CDH26: variants seen among roughly 807,000 people sequenced by gnomAD.
CDH26 encodes cadherin 26.
A neutral mutation model predicts 90.3 loss-of-function variants in CDH26; 83 were observed. The observed-to-expected ratio is 0.92, with a 90% CI of 0.77 to 1.10. The LOEUF (loss-of-function observed/expected upper bound fraction) is 1.10. CDH26 is among the 50% of genes least tolerant of loss of function. The pLI is 0.00. For synonymous variants in CDH26, 397 were observed against 396.3 expected, an observed-to-expected ratio of 1.00 and a Z score of -0.02; for missense variants, 1,013 against 1,037.6, an observed-to-expected ratio of 0.98 and a Z score of 0.33.
chr20:60,026,116 A>G (rs1476013995), intron 7 of CDH26, among the ~76,000 whole-genome samples: 1 of 152,108 alleles, frequency 6.6e-6, no homozygotes, highest in East Asian at 1.9e-4. Context: ...CCACAAAGTG[A>G]CTGTTGCCTT....
chr20:59,984,949 A>T, intron 6 of CDH26, 52 bp from the exon 7 acceptor site: 1 of 1,593,576 alleles, frequency 6.3e-7, no homozygotes, highest in South Asian at 1.1e-5. Context: ...CTTTATTAAT[A>T]TTTTCCTTTC....
At chr20:59,970,628 G>A (rs1370562417) in intron 3 of CDH26, among the ~76,000 whole-genome samples, 3 of 151,676 alleles carry the variant, frequency 2.0e-5, no homozygotes, top group East Asian at 1.9e-4. Context: ...GGCCAACATG[G>A]TGAAATCTTG....
intron 17 of CDH26, among the ~76,000 whole-genome samples, chr20:60,011,956 C>T (rs534573479): frequency 3.9e-4 from 60 of 152,130 alleles, no homozygotes; most frequent in South Asian, 1.7e-3. Flanking sequence ...AAGCCATGGC[C>T]TGAGCATGAA....
chr20:59,974,597 G>A (rs1251031205), intron 4 of CDH26, among the ~76,000 whole-genome samples: 2 of 152,166 alleles, frequency 1.3e-5, no homozygotes, highest in Admixed American at 1.3e-4. Flanking sequence ...ATTCTGTTAT[G>A]TCAGGTTTTC....
At chr20:60,024,737 A>G (rs1185381504) in intron 7 of CDH26, among the ~76,000 whole-genome samples, 1 of 152,186 alleles carries the variant, frequency 6.6e-6, no homozygotes, top group African/African-American at 2.4e-5. Context: ...AGAAACTACT[A>G]TCTCCCCACC....
At position 60,026,940 on chromosome 20, in the gene CDH26, T is replaced by C. The variant is rs528593401; in HGVS notation, c.948-4291T>C. 7.9e-5 allele frequency among the ~76,000 whole-genome samples: 12 copies of C among 152,326 alleles called. No individual in the cohort carries two copies. The South Asian group carries it at 2.3e-3, about 29-fold the overall frequency. On this transcript the variant is annotated intron_variant, in intron 7 of 8. Transcript: ENST00000370991. ...GTGTCTGGAACAGCATAAGTGCTCA[T>C]TAAGTGCTCACTGAGTGAATGAGTG...
At chr20:59,986,024 TC>T (rs901720667) in intron 7 of CDH26, 29 of 152,210 alleles carry the variant, frequency 1.9e-4, no homozygotes, top group African/African-American at 6.5e-4. Flanking sequence ...ATCCCTGGCC[TC>T]CGCCCAGTAG....
downstream of CDH26, among the ~76,000 whole-genome samples, chr20:60,015,644 T>G (rs2061899486): frequency 6.6e-6 from 1 of 152,220 alleles, no homozygotes; most frequent in Non-Finnish European, 1.5e-5. Flanking sequence ...CCTATTTGAT[T>G]ATTTTTGCTT....
chr20:60,019,374 C>T (rs1366906221), downstream of CDH26, among the ~76,000 whole-genome samples: 5 of 152,136 alleles, frequency 3.3e-5, no homozygotes, highest in Non-Finnish European at 7.4e-5. Flanking sequence ...AATGGTGTCC[C>T]ATAAATCCTG....
intron 7 of CDH26, among the ~76,000 whole-genome samples, chr20:59,986,954 A>G (rs1335919514): frequency 1.3e-5 from 2 of 152,214 alleles, no homozygotes; most frequent in African/African-American, 4.8e-5. Context: ...CTGGAAAAAA[A>G]ATATACCCTC....
At chr20:60,004,330 G>T (rs913777217) in intron 16 of CDH26, among the ~76,000 whole-genome samples, 2 of 152,162 alleles carry the variant, frequency 1.3e-5, no homozygotes, top group Non-Finnish European at 2.9e-5. Flanking sequence ...ACTTCATAAA[G>T]TGTTTTACAC....
intron 1 of CDH26, among the ~76,000 whole-genome samples, chr20:59,961,500 A>G (rs1405918279): frequency 1.3e-5 from 2 of 152,178 alleles, no homozygotes; most frequent in African/African-American, 4.8e-5. Flanking sequence ...CAAATTGGCT[A>G]TGAGTAACAT....
chr20:59,992,648 C>T lies in CDH26; in HGVS notation c.1426+128C>T, dbSNP rs2061542842. On this transcript the variant is annotated intron_variant, in intron 10 of 17. Transcript: ENST00000348616. This position sits in a 1 kb window ranked among gnomAD's most constrained non-coding sequence, Gnocchi z 5.0. Reference sequence around the variant, plus strand: ...AATAAACCTTGTTATCACTCTGCATCCATGCTGGTGATTATTTTTGGTAAT... The same window carrying T: ...AATAAACCTTGTTATCACTCTGCATTCATGCTGGTGATTATTTTTGGTAAT... 1 of 895,396 alleles carries T rather than the reference C, an allele frequency of 1.1e-6. No homozygotes were observed. Among genetic ancestry groups the T allele is most frequent in the African/African-American group, 1.7e-5 (1 of 59,690 alleles). 55.5% of individuals were successfully genotyped at this position (895,396 alleles called of 1,614,324 possible).
In CDH26 at chr20:59,984,767, A is replaced by C. The variant is rs1349458647; in HGVS notation, c.670A>C (p.Ser224Arg). 4 of 1,613,198 alleles carry C rather than the reference A, an allele frequency of 2.5e-6. No individual in the cohort carries two copies. Among genetic ancestry groups the C allele is most frequent in the Non-Finnish European group, 3.4e-6 (4 of 1,179,754 alleles). ...KESGFRVDRL[S>R]GEIRLSGCLD... ...AAGTGGTTTCCGGGTTGATCGCCTT[A>C]GTGGAGAAATACGACTCTCTGGCTG... Residue 224 changes from serine (S) to arginine (R), a missense_variant, in exon 6 of 18, where the codon AGT becomes CGT. Physicochemically the swap from Ser to Arg is moderately radical, Grantham distance 110 (BLOSUM62 -1). Transcript: ENST00000348616.
chr20:59,960,739 A>ACCATGGCACACATATTC (rs1417237582), intron 1 of CDH26, among the ~76,000 whole-genome samples: 2 of 152,170 alleles, frequency 1.3e-5, no homozygotes, highest in Non-Finnish European at 2.9e-5. Context: ...CACATCGTTT[A>ACCATGGCACACATATTC]CCATGGCACA....
chr20:59,970,519 G>A (rs547637677), intron 3 of CDH26, among the ~76,000 whole-genome samples: 231 of 151,500 alleles, frequency 1.5e-3, no homozygotes, highest in Non-Finnish European at 2.4e-3. Context: ...TTAAAAACAG[G>A]GAGATTGTCG....
chr20:59,999,147 CA>C (rs1445668755), intron 13 of CDH26, among the ~76,000 whole-genome samples: 1 of 152,130 alleles, frequency 6.6e-6, no homozygotes, highest in Non-Finnish European at 1.5e-5. Context: ...AGCCCTTGGC[CA>C]ACAGAAATCC....
intron 4 of CDH26, among the ~76,000 whole-genome samples, chr20:59,978,134 A>G (rs1288372283): frequency 2.0e-5 from 3 of 152,130 alleles, no homozygotes; most frequent in African/African-American, 4.8e-5. Context: ...TTATTTACCT[A>G]TTCACCTACT....
rs932275273 is a variant in CDH26, at chr20:59,958,607, C to T, written c.-120C>T. The T allele has an allele frequency of 1.1e-6, 1 of 907,674 alleles. No homozygotes were observed. Among genetic ancestry groups the T allele is most frequent in the Non-Finnish European group, 1.8e-6 (1 of 563,730 alleles). 56.2% of individuals were successfully genotyped at this position (907,674 alleles called of 1,614,324 possible). On this transcript the variant is annotated 5_prime_UTR_variant, in exon 1 of 18. Transcript: ENST00000348616. Reference sequence around the variant, plus strand: ...ATGAAAGCATCTGGGCCAAAGTGACCTGAAAACCTTTAGAGAAGAAGCTGC... The same window carrying T: ...ATGAAAGCATCTGGGCCAAAGTGACTTGAAAACCTTTAGAGAAGAAGCTGC...
Sources: gnomAD v4.1 joint callset for allele counts (sites outside exome capture counted in the v4.1 genomes callset) on GRCh38, gnomAD v4.1.1 for gene constraint, Gnocchi (gnomAD v3.1) non-coding constraint, MANE v1.5 for transcripts, NCBI Gene and HGNC (gene_info 2026-07-23, HGNC 2026-07-21) for gene names.